The following RNF13 variants were observed in gnomAD, a reference collection of about 807,000 sequenced individuals.
RNF13 encodes E3 ubiquitin-protein ligase RNF13.
RNF13 carries 19 observed loss-of-function variants against 37.7 expected under a neutral mutation model. That is an observed-to-expected ratio of 0.50 (90% CI 0.35 to 0.74). The LOEUF (loss-of-function observed/expected upper bound fraction) is 0.74. Among genes scored for constraint, RNF13 ranks in the 30% least tolerant of loss-of-function variants. RNF13 has a pLI of 0.01. For missense variants in RNF13, 375 were observed against 453.0 expected (o/e 0.83, Z 1.56); for synonymous variants, 144 against 157.8 (o/e 0.91, Z 0.65).
At chr3:149,838,061 G>A (rs1361000087) in intron 1 of RNF13, among the ~76,000 whole-genome samples, 2 of 152,296 alleles carry the variant, frequency 1.3e-5, no homozygotes, top group South Asian at 4.1e-4. Context: ...ATCCAGCGGG[G>A]CAGTCAAATC....
chr3:149,950,994 T>C (rs1283963603), intron 8 of RNF13, among the ~76,000 whole-genome samples: 2 of 152,144 alleles, frequency 1.3e-5, no homozygotes, highest in East Asian at 1.9e-4. Context: ...TCTGGTAAAA[T>C]AGTTTTTCTT....
intron 3 of RNF13, among the ~76,000 whole-genome samples, chr3:149,853,600 TA>T (rs1723357248): frequency 1.3e-5 from 2 of 152,098 alleles, no homozygotes; most frequent in African/African-American, 2.4e-5. Flanking sequence ...TTGTTTGCCA[TA>T]TATGCTTCAG....
At chr3:149,909,629 T>G (rs919032784) in intron 6 of RNF13, among the ~76,000 whole-genome samples, 1 of 152,028 alleles carries the variant, frequency 6.6e-6, no homozygotes, top group African/African-American at 2.4e-5. Context: ...ACAATATATC[T>G]TGACGGTAAA....
chr3:149,865,532 C>T (rs1724726627), intron 3 of RNF13, among the ~76,000 whole-genome samples: 1 of 151,964 alleles, frequency 6.6e-6, no homozygotes, highest in Non-Finnish European at 1.5e-5. Context: ...GTGGTGTGAT[C>T]ATGGCTCACT....
intron 8 of RNF13, among the ~76,000 whole-genome samples, chr3:149,958,260 G>A (rs976352455): frequency 2.0e-5 from 3 of 152,208 alleles, no homozygotes; most frequent in African/African-American, 7.2e-5. Context: ...AAACCAAGGT[G>A]TCAGCAGGAC....
At chr3:149,897,016 T>C (rs551296331) in intron 5 of RNF13, among the ~76,000 whole-genome samples, 4 of 152,308 alleles carry the variant, frequency 2.6e-5, no homozygotes, top group Middle Eastern at 3.4e-3. Context: ...AGTTTACTTA[T>C]CAAATAAACT....
chr3:149,873,686 A>T (rs1170081711), intron 4 of RNF13, among the ~76,000 whole-genome samples: 1 of 152,160 alleles, frequency 6.6e-6, no homozygotes, highest in Non-Finnish European at 1.5e-5. Context: ...CTCATCGGTT[A>T]CATGCTAGCT....
intron 8 of RNF13, among the ~76,000 whole-genome samples, chr3:149,938,656 T>C (rs1362889294): frequency 3.9e-5 from 6 of 152,146 alleles, no homozygotes; most frequent in African/African-American, 1.4e-4. Context: ...TTTTAATCTA[T>C]GTGTCTTAAT....
intron 6 of RNF13, among the ~76,000 whole-genome samples, chr3:149,907,087 T>C (rs2108510614): frequency 6.6e-6 from 1 of 152,338 alleles, no homozygotes; most frequent in African/African-American, 2.4e-5. Context: ...TTACATCTAC[T>C]AACTGGTTTT....
intron 8 of RNF13, among the ~76,000 whole-genome samples, chr3:149,943,157 G>C (rs545570697): frequency 3.3e-5 from 5 of 150,426 alleles, no homozygotes; most frequent in Non-Finnish European, 5.9e-5. Context: ...TTTTGTATCT[G>C]TCTCTCATTT....
At chr3:149,840,350 G>A (rs970067539) in intron 1 of RNF13, among the ~76,000 whole-genome samples, 1 of 152,128 alleles carries the variant, frequency 6.6e-6, no homozygotes, top group Non-Finnish European at 1.5e-5. Context: ...TTCCTTTGAA[G>A]AAGTGTGACT....
intron 8 of RNF13, among the ~76,000 whole-genome samples, chr3:149,927,834 T>C (rs1029127963): frequency 2.0e-5 from 3 of 152,162 alleles, no homozygotes; most frequent in South Asian, 2.1e-4. Flanking sequence ...TCTTGAGTTA[T>C]AGGAGTTCTT....
chr3:149,947,536 C>G (rs1260917722), intron 8 of RNF13, among the ~76,000 whole-genome samples: 5 of 151,948 alleles, frequency 3.3e-5, no homozygotes, highest in Admixed American at 1.3e-4. Flanking sequence ...TCCTGAATAG[C>G]TGGGATTATA....
At chr3:149,881,800 A>G (rs1357016450) in intron 4 of RNF13, among the ~76,000 whole-genome samples, 2 of 152,190 alleles carry the variant, frequency 1.3e-5, no homozygotes, top group African/African-American at 2.4e-5. Flanking sequence ...TAAGCTTAAC[A>G]TGTACAGTGG....
chr3:149,836,642 G>A (rs1443711694), intron 1 of RNF13, among the ~76,000 whole-genome samples: 2 of 151,736 alleles, frequency 1.3e-5, no homozygotes, highest in South Asian at 2.1e-4. Context: ...AAAATCAAAC[G>A]TAGAATTACC....
chr3:149,866,267 C>A (rs1489430063), intron 3 of RNF13, among the ~76,000 whole-genome samples: 1 of 152,144 alleles, frequency 6.6e-6, no homozygotes, highest in Non-Finnish European at 1.5e-5. Flanking sequence ...GACAGAACAG[C>A]CTGGAGGGCT....
At chr3:149,899,481 TAAAA>T (rs200297572) in intron 5 of RNF13, among the ~76,000 whole-genome samples, 2 of 151,116 alleles carry the variant, frequency 1.3e-5, no homozygotes, top group Non-Finnish European at 3.0e-5. Flanking sequence ...AATGAATAAA[TAAAA>T]AAAAATAAGT....
chr3:149,947,407 C>CTTTTTTTTTTTTT (rs869289029), intron 8 of RNF13, among the ~76,000 whole-genome samples: 5 of 140,124 alleles, frequency 3.6e-5, no homozygotes, highest in African/African-American at 1.3e-4. Context: ...TCTTTCAGTT[C>CTTTTTTTTTTTTT]TTTTTTTTTT....
chr3:149,921,168 G>C lies in RNF13; in HGVS notation c.641G>C (p.Arg214Thr). The change falls in exon 8 of 10, where the codon AGA (arginine) becomes ACA (threonine). Residue 214 changes from arginine to threonine, a missense_variant. Arg to Thr is a moderately conservative substitution (Grantham distance 71, BLOSUM62 -1). Coordinates refer to ENST00000392894, the MANE Select transcript of RNF13 (RefSeq NM_183381.3). ...TTTGTCCAGGATAGACATAGAGCTA[G>C]AAGAAACAGACTTCGTAAAGATCAA... The part of the protein sequence containing the change: ...TKFVQDRHRA[R>T]RNRLRKDQLK... The C allele has an allele frequency of 7.0e-7, 1 of 1,427,032 alleles. No individual in the cohort carries two copies. The highest frequency in any genetic ancestry group is 1.7e-5 in the South Asian group (1 of 59,074). 88.4% of individuals were successfully genotyped at this position (1,427,032 alleles called of 1,614,324 possible).
Sources: allele counts gnomAD v4.1 joint callset (sites outside exome capture counted in the v4.1 genomes callset), GRCh38; gene constraint gnomAD v4.1.1; transcripts MANE v1.5; gene names NCBI Gene and HGNC (gene_info 2026-07-23, HGNC 2026-07-21).